B4GALT5: variants seen among roughly 807,000 people sequenced by gnomAD.
The protein encoded by B4GALT5 is beta-1,4-galactosyltransferase 5, also known as UDP-Gal:beta-GlcNAc beta-1,4-galactosyltransferase 5.
Under a neutral mutation model 45.0 loss-of-function variants are expected in B4GALT5, and 11 were observed. The ratio of observed to expected loss-of-function variants is 0.24; its 90% CI spans 0.15 to 0.40. The LOEUF (loss-of-function observed/expected upper bound fraction) is 0.40. Among genes scored for constraint, B4GALT5 ranks in the 10% least tolerant of loss-of-function variants. The pLI is 1.00. For missense variants in B4GALT5, 337 were observed against 500.2 expected (o/e 0.67, Z 3.11); for synonymous variants, 185 against 182.9 (o/e 1.01, Z -0.09).
At chr20:49,680,005 G>T (rs1471882991) in intron 1 of B4GALT5, among the ~76,000 whole-genome samples, 1 of 152,150 alleles carries the variant, frequency 6.6e-6, no homozygotes, top group Non-Finnish European at 1.5e-5. Flanking sequence ...TCACATTCCA[G>T]AAGAAGAAAA....
intron 1 of B4GALT5, among the ~76,000 whole-genome samples, chr20:49,685,162 C>T (rs2085780219): frequency 6.6e-6 from 1 of 152,188 alleles, no homozygotes; most frequent in African/African-American, 2.4e-5. Context: ...CACCACTCCG[C>T]ATCAGGTGAA....
chr20:49,695,200 C>T (rs2085833843), intron 1 of B4GALT5, among the ~76,000 whole-genome samples: 1 of 121,830 alleles, frequency 8.2e-6, no homozygotes, highest in South Asian at 3.3e-4. Context: ...TGGCATAGTG[C>T]AGTAATTTTT....
intron 1 of B4GALT5, among the ~76,000 whole-genome samples, chr20:49,675,969 T>A (rs901280924): frequency 1.3e-5 from 2 of 152,148 alleles, no homozygotes; most frequent in Non-Finnish European, 2.9e-5. Context: ...AATTGTTGAA[T>A]TCCAACATGT....
intron 1 of B4GALT5, chr20:49,684,576 T>C: frequency 1.9e-6 from 1 of 518,568 alleles, no homozygotes; most frequent in South Asian, 1.4e-5. Flanking sequence ...AAAAAAAAGT[T>C]GGTCCCTGAA....
At chr20:49,651,518 G>C (rs1038699859) in intron 2 of B4GALT5, among the ~76,000 whole-genome samples, 1 of 152,044 alleles carries the variant, frequency 6.6e-6, no homozygotes, top group African/African-American at 2.4e-5. Context: ...GAACCTGGGA[G>C]GCAGAGGTTG....
At chr20:49,680,880 CTATTT>C (rs1318619339) in intron 1 of B4GALT5, among the ~76,000 whole-genome samples, 2 of 151,468 alleles carry the variant, frequency 1.3e-5, no homozygotes, top group Non-Finnish European at 2.9e-5. Context: ...CTAAAATGGC[CTATTT>C]TATGTTATGT....
rs76564204 is a variant in B4GALT5 at position 49,636,239 on chromosome 20, C to T, written c.*73G>A. ...TGTTCTCTTGCTGTGTAGACCCTCC[C>T]CCCTCCAAAAAAAAATCTCATCGGA... On this transcript the variant is annotated 3_prime_UTR_variant, in exon 9 of 9. Coordinates refer to ENST00000371711, the MANE Select transcript of B4GALT5 (RefSeq NM_004776.4). 3.6e-4 allele frequency: 560 copies of T among 1,558,942 alleles called. 1 individual carries two copies. In the East Asian group the frequency reaches 0.01, roughly 29 times the overall value.
chr20:49,679,465 G>A (rs1429081996), intron 1 of B4GALT5, among the ~76,000 whole-genome samples: 3 of 151,394 alleles, frequency 2.0e-5, no homozygotes, highest in Admixed American at 2.0e-4. Context: ...TCAGAAGTTC[G>A]AGACCAGCCT....
At chr20:49,639,359 G>GGT (rs34688851) in intron 7 of B4GALT5, among the ~76,000 whole-genome samples, 10,403 of 149,374 alleles carry the variant, frequency 0.07, 467 homozygotes, top group Non-Finnish European at 0.098. Context: ...GGATGTGTGT[G>GGT]GTGTGTGTGT....
At chr20:49,706,213 A>T (rs2085883273) in intron 1 of B4GALT5, among the ~76,000 whole-genome samples, 1 of 151,036 alleles carries the variant, frequency 6.6e-6, no homozygotes, top group Non-Finnish European at 1.5e-5. Context: ...AAAAAAAAAA[A>T]TCATAAACAT....
chr20:49,705,025 G>A (rs1253815469), intron 1 of B4GALT5, among the ~76,000 whole-genome samples: 1 of 152,138 alleles, frequency 6.6e-6, no homozygotes, highest in Non-Finnish European at 1.5e-5. Context: ...AAGTAGAGAA[G>A]GGGCAGCACT....
intron 1 of B4GALT5, among the ~76,000 whole-genome samples, chr20:49,713,192 G>A (rs1279204332): frequency 6.6e-6 from 1 of 151,838 alleles, no homozygotes; most frequent in East Asian, 1.9e-4. Flanking sequence ...GGGAATGGGG[G>A]TTCGAGGAGA....
rs1428679932 is a variant in B4GALT5 at position 49,635,844 on chromosome 20, G to C, written c.*468C>G. On this transcript the variant is annotated 3_prime_UTR_variant, in exon 9 of 9. Transcript: ENST00000371711. ...GAGAACACCAGAGATCTAGAAGAAT[G>C]GTGTGGAGTTTCATTTGCTCTTCCT... 1 of 154,412 alleles carries C rather than the reference G, an allele frequency of 6.5e-6. No individual in the cohort carries two copies. Among genetic ancestry groups the C allele is most frequent in the Non-Finnish European group, 1.4e-5 (1 of 69,480 alleles). The allele number at this position is 154,412 out of a possible 1,614,324, so 9.6% of individuals were successfully genotyped here. A position where few individuals can be genotyped will look rare whatever the true frequency, so the allele number is the denominator to read the frequency against.
At chr20:49,685,820 TG>T (rs1245748142) in intron 1 of B4GALT5, among the ~76,000 whole-genome samples, 1 of 152,072 alleles carries the variant, frequency 6.6e-6, no homozygotes, top group Non-Finnish European at 1.5e-5. Context: ...TAGACATTTT[TG>T]GATAGTTTTA....
At chr20:49,675,890 T>C (rs1032506970) in intron 1 of B4GALT5, among the ~76,000 whole-genome samples, 2 of 152,140 alleles carry the variant, frequency 1.3e-5, no homozygotes, top group Non-Finnish European at 2.9e-5. Context: ...TAGCAAATCA[T>C]TACAGGAATG....
intron 2 of B4GALT5, among the ~76,000 whole-genome samples, chr20:49,651,215 G>A (rs6019951): frequency 6.6e-6 from 1 of 151,976 alleles, no homozygotes; most frequent in Non-Finnish European, 1.5e-5. Context: ...GAACTCAAAA[G>A]GTGGAGGCTG....
Position 49,675,882 on chromosome 20 carries a change from G to C in B4GALT5, c.116-19180C>G, listed in dbSNP as rs185761322. ...CTCTAGACTTTAGTTCAACAAGCTAGCAAATCATTACAGGAATGAGTGACT... is the reference window on the plus strand; with the variant it reads ...CTCTAGACTTTAGTTCAACAAGCTACCAAATCATTACAGGAATGAGTGACT... On this transcript the variant is annotated intron_variant, in intron 1 of 8. Coordinates refer to ENST00000371711, the MANE Select transcript of B4GALT5 (RefSeq NM_004776.4). Among the ~76,000 whole-genome samples, 42 of 152,296 alleles carry C rather than the reference G, an allele frequency of 2.8e-4. No homozygotes were observed. The East Asian group carries it at 7.5e-3, about 27-fold the overall frequency.
Position 49,640,615 on chromosome 20 carries a change from T to C in B4GALT5, c.657A>G (p.Gln219=). ...CCCAATCCAAGTCTTTCATTGCCTC[T>C]TGAAAGCCAACGTTGAAAAGCATGG... The part of the protein sequence containing the change: ...NRAMLFNVGF[Q]EAMKDLDWDC... Residue 219 remains glutamine (Q), a synonymous_variant, in exon 6 of 9, where the codon CAA becomes CAG. Coordinates refer to ENST00000371711, the MANE Select transcript of B4GALT5 (RefSeq NM_004776.4). The C allele has an allele frequency of 1.2e-6, 2 of 1,613,802 alleles. No homozygotes were observed. Among genetic ancestry groups the C allele is most frequent in the Non-Finnish European group, 1.7e-6 (2 of 1,179,888 alleles).
chr20:49,682,952 G>A (rs1053951406), intron 1 of B4GALT5, among the ~76,000 whole-genome samples: 1 of 151,960 alleles, frequency 6.6e-6, no homozygotes, highest in Non-Finnish European at 1.5e-5. Flanking sequence ...ATATTAGCCC[G>A]GCATGGTGGT....
Sources: gnomAD v4.1 joint callset for allele counts (sites outside exome capture counted in the v4.1 genomes callset) on GRCh38, gnomAD v4.1.1 for gene constraint, MANE v1.5 for transcripts, NCBI Gene and HGNC (gene_info 2026-07-23, HGNC 2026-07-21) for gene names.